The following SEL1L3 variants were observed in gnomAD, a reference collection of about 807,000 sequenced individuals.
The protein encoded by SEL1L3 is protein sel-1 homolog 3.
A neutral mutation model predicts 142.8 loss-of-function variants in SEL1L3; 76 were observed. The ratio of observed to expected loss-of-function variants is 0.53; its 90% confidence interval spans 0.44 to 0.64. The LOEUF is 0.64. Among genes scored for constraint, SEL1L3 ranks in the 30% least tolerant of loss-of-function variants. The pLI, the probability that SEL1L3 is intolerant of heterozygous loss-of-function variation, is 0.00. For synonymous variants in SEL1L3, 504 were observed against 519.6 expected (o/e 0.97, Z 0.41); for missense variants, 1,262 against 1,381.7 (o/e 0.91, Z 1.37).
intron 8 of SEL1L3, among the ~76,000 whole-genome samples, chr4:25,818,511 A>G (rs536057934): frequency 1.3e-5 from 2 of 152,338 alleles, no homozygotes; most frequent in South Asian, 4.1e-4. Flanking sequence ...ATAATTCTAC[A>G]GAATGAGCAG....
intron 6 of SEL1L3, among the ~76,000 whole-genome samples, chr4:25,823,114 G>A (rs183751775): frequency 6.6e-6 from 1 of 152,196 alleles, no homozygotes; most frequent in African/African-American, 2.4e-5. Context: ...ATGGGGTGGT[G>A]GGGGGTTGGG....
chr4:25,786,570 CCTCCACT>C (rs533007587), intron 13 of SEL1L3, among the ~76,000 whole-genome samples: 53 of 152,302 alleles, frequency 3.5e-4, no homozygotes, highest in African/African-American at 1.2e-3. Context: ...CAGCGATCGG[CCTCCACT>C]CTGGTGGACA....
intron 1 of SEL1L3, among the ~76,000 whole-genome samples, chr4:25,850,806 G>GT (rs1577697504): frequency 1.3e-5 from 2 of 151,870 alleles, no homozygotes; most frequent in East Asian, 3.9e-4. Flanking sequence ...TTTCTGTCTG[G>GT]TTTTTTTGTT....
At chr4:25,753,721 T>C (rs890728137) in intron 23 of SEL1L3, among the ~76,000 whole-genome samples, 1 of 152,256 alleles carries the variant, frequency 6.6e-6, no homozygotes, top group Admixed American at 6.5e-5. Flanking sequence ...CAGTGGCTTA[T>C]GCCTGTAGTC....
intron 17 of SEL1L3, chr4:25,770,128 T>TA (rs756135920): frequency 5.1e-4 from 77 of 151,150 alleles, no homozygotes; most frequent in Non-Finnish European, 8.0e-4. Context: ...ATTCTGTCTC[T>TA]AAAAAAAAAG....
chr4:25,782,745 A>T (rs1711527208), intron 14 of SEL1L3, among the ~76,000 whole-genome samples: 1 of 152,196 alleles, frequency 6.6e-6, no homozygotes, highest in Admixed American at 6.5e-5. Flanking sequence ...TGCCGCATCA[A>T]TAGTGCCCTT....
intron 1 of SEL1L3, among the ~76,000 whole-genome samples, chr4:25,861,333 CCCAA>C (rs1717692863): frequency 1.3e-5 from 2 of 152,126 alleles, no homozygotes; most frequent in Admixed American, 1.3e-4. Flanking sequence ...ATGAAGTAAG[CCCAA>C]CCACACAATT....
At position 25,821,697 on chromosome 4, in the gene SEL1L3, A is replaced by G. The variant is rs139592203; in HGVS notation, c.1290+299T>C. On this transcript the variant is annotated intron_variant, in intron 7 of 23. Coordinates refer to ENST00000399878, the MANE Select transcript of SEL1L3 (RefSeq NM_015187.5). Reference sequence around the variant, plus strand: ...CAAATAACTAAGATTCTCTCCTTTCATTAGCTTAATCGCTGGATAGGCAAC... The same window carrying G: ...CAAATAACTAAGATTCTCTCCTTTCGTTAGCTTAATCGCTGGATAGGCAAC... Among the ~76,000 whole-genome samples, 7 of 152,382 alleles carry G rather than the reference A, an allele frequency of 4.6e-5. No individual in the cohort carries two copies. In the East Asian group the frequency reaches 1.3e-3, roughly 29 times the overall value.
chr4:25,819,767 GCA>G, intron 8 of SEL1L3, 39 bp downstream of exon 8: 2 of 1,575,092 alleles, frequency 1.3e-6, no homozygotes, highest in Non-Finnish European at 1.7e-6. Context: ...TTATGTAAAT[GCA>G]CAGAGCTTAA....
chr4:25,787,926 G>C (rs900330566), intron 13 of SEL1L3, among the ~76,000 whole-genome samples: 1 of 152,210 alleles, frequency 6.6e-6, no homozygotes. Context: ...CAGTGCCTGT[G>C]GGGGCTGGCG....
At position 25,847,443 on chromosome 4, in the gene SEL1L3, A is replaced by AG; in HGVS notation, c.583dup (p.Leu195ProfsTer18). 6.2e-7 allele frequency: 1 copy of AG among 1,614,034 alleles called. No homozygotes were observed. Among genetic ancestry groups the AG allele is most frequent in the Non-Finnish European group, 8.5e-7 (1 of 1,179,894 alleles). On this transcript the variant is annotated frameshift_variant, in exon 2 of 24. Coordinates refer to ENST00000399878, the MANE Select transcript of SEL1L3 (RefSeq NM_015187.5). LOFTEE classifies it high-confidence loss of function. ...GGTATAATTCTTTGCTACAGCATGG[A>AG]GCAAGTTTTCCTCCCATTTAACATT...
At chr4:25,771,522 C>T (rs1378944) in intron 17 of SEL1L3, among the ~76,000 whole-genome samples, 1,586 of 152,234 alleles carry the variant, frequency 0.01, 11 homozygotes, top group Non-Finnish European at 0.015. Flanking sequence ...TTATTTTGCA[C>T]GTGCTCTTTT....
At chr4:25,819,687 C>G in intron 8 of SEL1L3, 121 bp downstream of exon 8, 1 of 864,036 alleles carries the variant, frequency 1.2e-6, no homozygotes, top group Non-Finnish European at 1.7e-6. Flanking sequence ...TCACACTTGT[C>G]CCATCTGGTA....
At chr4:25,741,835 T>A in the SEL1L3 span, among the ~76,000 whole-genome samples, 103 of 151,314 alleles carry the variant, frequency 6.8e-4, no homozygotes, top group African/African-American at 2.4e-3. Flanking sequence ...ATATATATTT[T>A]TTTTGAGATA....
At chr4:25,829,433 T>C (rs1464566253) in intron 6 of SEL1L3, among the ~76,000 whole-genome samples, 1 of 152,252 alleles carries the variant, frequency 6.6e-6, no homozygotes, top group African/African-American at 2.4e-5. Context: ...CAAATCATCA[T>C]TGGGTCAGAG....
intron 7 of SEL1L3, among the ~76,000 whole-genome samples, 154 bp downstream of exon 7, chr4:25,821,842 G>T (rs1714780674): frequency 6.6e-6 from 1 of 152,162 alleles, no homozygotes; most frequent in African/African-American, 2.4e-5. Context: ...TATTGCATTT[G>T]CTGGGGGAAA....
At chr4:25,853,052 TG>T (rs1717009437) in intron 1 of SEL1L3, among the ~76,000 whole-genome samples, 1 of 152,226 alleles carries the variant, frequency 6.6e-6, no homozygotes, top group African/African-American at 2.4e-5. Flanking sequence ...TTTTGTTTGA[TG>T]GTCCATGCTT....
intron 9 of SEL1L3, among the ~76,000 whole-genome samples, chr4:25,812,786 G>A (rs1000526671): frequency 4.0e-5 from 6 of 151,794 alleles, no homozygotes; most frequent in African/African-American, 1.5e-4. Context: ...GCTGAGGCAG[G>A]TGGATCACTT....
the SEL1L3 span, among the ~76,000 whole-genome samples, chr4:25,729,776 C>G: frequency 6.6e-6 from 1 of 152,248 alleles, no homozygotes; most frequent in East Asian, 1.9e-4. Context: ...CCCGGTCCAC[C>G]CTTCCTCTGG....
Sources: gnomAD v4.1 joint callset for allele counts (sites outside exome capture counted in the v4.1 genomes callset) on GRCh38, gnomAD v4.1.1 for gene constraint, MANE v1.5 for transcripts, NCBI Gene and HGNC (gene_info 2026-07-23, HGNC 2026-07-21) for gene names.